The following MTA1 variants were observed in gnomAD, a reference collection of about 807,000 sequenced individuals.
The protein encoded by MTA1 is metastasis associated 1, also known as metastasis-associated protein MTA1.
A neutral mutation model predicts 97.0 loss-of-function variants in MTA1; 15 were observed. The observed-to-expected ratio is 0.15, with a 90% CI of 0.10 to 0.24. The LOEUF is 0.24. Among genes scored for constraint, MTA1 ranks in the 10% least tolerant of loss-of-function variants. The pLI is 1.00. For synonymous variants in MTA1, 435 were observed against 417.5 expected (o/e 1.04, Z -0.51); for missense variants, 709 against 1,015.1 (o/e 0.70, Z 4.10).
intron 4 of MTA1, 57 bp downstream of exon 4, chr14:105,449,466 G>A: frequency 6.3e-7 from 1 of 1,579,634 alleles, no homozygotes; most frequent in Non-Finnish European, 8.6e-7. Flanking sequence ...TGGGCTGGGG[G>A]CGGCAGCGCC....
Position 105,464,779 on chromosome 14 carries a change from C to T in MTA1, c.1450C>T (p.Arg484Cys), listed in dbSNP as rs1281907373. 2.5e-5 allele frequency: 40 copies of T among 1,607,786 alleles called. No individual in the cohort carries two copies. The highest frequency in any genetic ancestry group is 3.3e-5 in the Non-Finnish European group (39 of 1,176,200). Residue 484 changes from arginine (R) to cysteine (C), a missense_variant, in exon 15 of 21, where the codon CGC becomes TGC. Physicochemically the swap from Arg to Cys is radical, Grantham distance 180. This residue lies in a region of MTA1 where 388 missense variants were observed against 421.6 expected (regional missense o/e 0.92). Coordinates refer to ENST00000331320, the MANE Select transcript of MTA1 (RefSeq NM_004689.4). ...HTTKLTRIAR[R>C]LCREILRPWH... ...GACGAAGCTGACGCGGATCGCCCGG[C>T]GCCTGTGCCGTGAGATCCTGCGCCC...
chr14:105,441,525 G>GT (rs2082514970), intron 2 of MTA1, among the ~76,000 whole-genome samples: 1 of 152,150 alleles, frequency 6.6e-6, no homozygotes, highest in African/African-American at 2.4e-5. Context: ...CTGGACGCAG[G>GT]GGCTCACGCC....
In MTA1 at chr14:105,450,105, G is replaced by A. The variant is rs782105615; in HGVS notation, c.289G>A (p.Glu97Lys). 6 of 1,613,398 alleles carry A rather than the reference G, an allele frequency of 3.7e-6. No individual in the cohort carries two copies. Among genetic ancestry groups the A allele is most frequent in the South Asian group, 2.2e-5 (2 of 91,074 alleles). ...MENPEMVDLP[E>K]KLKHQLRHRE... ...GAACCCGGAAATGGTGGACCTGCCCGAGAAACTAAAGCACCAGCTGCGGCA... is the reference window on the plus strand; with the variant it reads ...GAACCCGGAAATGGTGGACCTGCCCAAGAAACTAAAGCACCAGCTGCGGCA... Residue 97 changes from glutamate (E) to lysine (K), a missense_variant, in exon 5 of 21, where the codon GAG (glutamate) becomes AAG (lysine). Transcript: ENST00000331320.
At chr14:105,447,464 G>A (rs587713122) in intron 3 of MTA1, among the ~76,000 whole-genome samples, 1 of 152,310 alleles carries the variant, frequency 6.6e-6, no homozygotes, top group South Asian at 2.1e-4. Context: ...GCTCTCAGAC[G>A]CCCCAGAGGA....
rs782648929 is a variant in MTA1 at position 105,470,188 on chromosome 14, C to T, written c.2121C>T (p.Asn707=). ...GGCCACCGCCACCTGCGCCCGTCAA[C>T]GACGAGCCCATCGTCATCGAGGACT... ...PPRPPPPAPV[N]DEPIVIED The change falls in exon 21 of 21, where the codon AAC becomes AAT. Residue 707 remains asparagine (N), a synonymous_variant. Transcript: ENST00000331320. 4.3e-5 allele frequency: 69 copies of T among 1,606,406 alleles called. 1 individual carries two copies. In the Admixed American group the frequency reaches 1.1e-3, roughly 25 times the overall value.
intron 6 of MTA1, 129 bp downstream of exon 6, chr14:105,450,453 G>A (rs1567025903): frequency 9.2e-7 from 1 of 1,083,294 alleles, no homozygotes; most frequent in African/African-American, 1.6e-5. Flanking sequence ...CTGTTCTGGG[G>A]GGAAGCGGGG....
In MTA1 at chr14:105,463,780, C is replaced by T. The variant is rs782103736; in HGVS notation, c.1076+229C>T. On this transcript the variant is annotated intron_variant, in intron 12 of 20. Transcript: ENST00000331320. The surrounding 1 kb of genome is among the most constrained non-coding windows in gnomAD (Gnocchi z 5.9). ...CAGTAAGGGGGCATTGGGATTCCAG[C>T]CCACACCGCCAGGGTTCAGTCCCTG... The T allele has an allele frequency of 2.3e-5, 14 of 620,770 alleles. No homozygotes were observed. The highest frequency in any genetic ancestry group is 3.7e-5 in the Non-Finnish European group (13 of 352,150). 38.5% of individuals were successfully genotyped at this position (620,770 alleles called of 1,614,324 possible).
Position 105,463,073 on chromosome 14 carries a change from T to A in MTA1, c.943-111T>A. 9.2e-7 allele frequency: 1 copy of A among 1,088,764 alleles called. No homozygotes were observed. The highest frequency in any genetic ancestry group is 1.4e-5 in the South Asian group (1 of 72,144). The allele number at this position is 1,088,764 out of a possible 1,614,324, so 67.4% of individuals were successfully genotyped here. A position where few individuals can be genotyped will look rare whatever the true frequency, so the allele number is the denominator to read the frequency against. ...TCCGTGCACCAAGCACACCTCGCCC[T>A]CTGGCCTCCCGCCCCCTCTGTGGCC... On this transcript the variant is annotated intron_variant, in intron 10 of 20. Transcript: ENST00000331320. This position sits in a 1 kb window ranked among gnomAD's most constrained non-coding sequence, Gnocchi z 5.9.
At chr14:105,468,013 TCA>T in intron 18 of MTA1, 2 of 313,892 alleles carry the variant, frequency 6.4e-6, no homozygotes, top group South Asian at 5.4e-5. Flanking sequence ...GGCCCTGGGC[TCA>T]GAGGGGTCAG....
At position 105,463,096 on chromosome 14, in the gene MTA1, G is replaced by A; in HGVS notation, c.943-88G>A. The A allele has an allele frequency of 1.5e-6, 2 of 1,331,996 alleles. No individual in the cohort carries two copies. Among genetic ancestry groups the A allele is most frequent in the Non-Finnish European group, 1.1e-6 (1 of 943,014 alleles). The allele number at this position is 1,331,996 out of a possible 1,614,324, so 82.5% of individuals were successfully genotyped here. On this transcript the variant is annotated intron_variant, in intron 10 of 20. Transcript: ENST00000331320. The surrounding 1 kb of genome is among the most constrained non-coding windows in gnomAD (Gnocchi z 5.9). ...CCTCTGGCCTCCCGCCCCCTCTGTG[G>A]CCTTCTGGCCGCAGCCCTGCCCCTG...
In MTA1 at chr14:105,463,450, T is replaced by A; in HGVS notation, c.1018-43T>A. On this transcript the variant is annotated intron_variant, in intron 11 of 20. Transcript: ENST00000331320. This position sits in a 1 kb window ranked among gnomAD's most constrained non-coding sequence, Gnocchi z 5.9. Reference sequence around the variant, plus strand: ...GCCTGTCTGCACTGCAGCCCCAACCTGGGCCTAGCCTGCTGACCTCTGACC... The same window carrying A: ...GCCTGTCTGCACTGCAGCCCCAACCAGGGCCTAGCCTGCTGACCTCTGACC... The A allele has an allele frequency of 1.2e-6, 2 of 1,609,056 alleles. No homozygotes were observed. The highest frequency in any genetic ancestry group is 1.7e-6 in the Non-Finnish European group (2 of 1,176,372).
At chr14:105,439,865 C>T (rs1567012362) in intron 2 of MTA1, among the ~76,000 whole-genome samples, 1 of 152,188 alleles carries the variant, frequency 6.6e-6, no homozygotes, top group Non-Finnish European at 1.5e-5. Context: ...AAGCTGCCTT[C>T]CTGGACCTCA....
rs587738734 is a variant in MTA1 at position 105,444,663 on chromosome 14, C to T, written c.97-755C>T. Among the ~76,000 whole-genome samples the T allele has an allele frequency of 7.3e-5, 11 of 151,552 alleles. 1 individual carries two copies. In the South Asian group the frequency reaches 1.7e-3, roughly 23 times the overall value. ...AAAATTAGCTGGTCGTGGTGGCTCA[C>T]GCTTGTAATCTCAGCTACCTGGGAG... is the stretch of plus-strand genomic sequence containing the variant. On this transcript the variant is annotated intron_variant, in intron 2 of 20. Transcript: ENST00000331320.
chr14:105,423,463 C>T (rs745762351), intron 1 of MTA1, among the ~76,000 whole-genome samples: 1 of 152,232 alleles, frequency 6.6e-6, no homozygotes, highest in African/African-American at 2.4e-5. Context: ...GTGATCCACC[C>T]GCTTCGGCCT....
intron 7 of MTA1, among the ~76,000 whole-genome samples, chr14:105,455,199 C>G (rs1457182500): frequency 1.3e-5 from 2 of 152,238 alleles, no homozygotes; most frequent in Admixed American, 6.5e-5. Context: ...AGCCACTGCA[C>G]CTGGCCTCAT....
At chr14:105,448,411 CTGTGGG>C (rs2082793089) in intron 3 of MTA1, among the ~76,000 whole-genome samples, 2 of 152,168 alleles carry the variant, frequency 1.3e-5, no homozygotes, top group South Asian at 4.1e-4. Flanking sequence ...TTCGGAGCCG[CTGTGGG>C]CTCCTGTCCA....
intron 1 of MTA1, among the ~76,000 whole-genome samples, chr14:105,434,180 T>C (rs1272128294): frequency 6.6e-6 from 1 of 152,232 alleles, no homozygotes; most frequent in Admixed American, 6.5e-5. Context: ...CTATGTAATA[T>C]CCTTGGTGTG....
intron 2 of MTA1, among the ~76,000 whole-genome samples, chr14:105,440,616 C>T (rs2082479646): frequency 6.6e-6 from 1 of 152,252 alleles, no homozygotes; most frequent in Non-Finnish European, 1.5e-5. Context: ...TGCACACGCT[C>T]AGAGGCGTCC....
rs782109675 is a variant in MTA1, at chr14:105,464,059, C to T, written c.1104C>T (p.Ser368=). The part of the protein sequence containing the change: ...NYNKPNPNQI[S]VNNVKAGVVN... ...ACAAGCCAAATCCGAACCAAATCAG[C>T]GTCAACAACGTCAAGGCCGGTGTGG... Residue 368 remains serine, a synonymous_variant, in exon 13 of 21, where the codon AGC becomes AGT. Transcript: ENST00000331320. 6.8e-6 allele frequency: 11 copies of T among 1,612,670 alleles called. No homozygotes were observed. Among genetic ancestry groups the T allele is most frequent in the Admixed American group, 1.7e-5 (1 of 60,010 alleles).
Sources: allele counts gnomAD v4.1 joint callset (sites outside exome capture counted in the v4.1 genomes callset), GRCh38; gene constraint gnomAD v4.1.1; regional missense constraint gnomAD v4.1.1; non-coding constraint Gnocchi (gnomAD v3.1); transcripts MANE v1.5; gene names NCBI Gene and HGNC (gene_info 2026-07-23, HGNC 2026-07-21).